The following GNG2 variants were observed in gnomAD, a reference collection of about 807,000 sequenced individuals.
GNG2 encodes G protein subunit gamma 2.
GNG2 carries 5 observed loss-of-function variants against 5.5 expected under a neutral mutation model. The observed-to-expected ratio is 0.91, with a 90% CI of 0.48 to 1.92. The LOEUF (loss-of-function observed/expected upper bound fraction) is 1.92, where lower values mean the gene tolerates loss of function less well. Among genes scored for constraint, GNG2 ranks in the 30% most tolerant of loss-of-function variants. The pLI, the probability that GNG2 is intolerant of heterozygous loss-of-function variation, is 0.01. For synonymous variants in GNG2, 28 were observed against 32.0 expected, an observed-to-expected ratio of 0.88 and a Z score of 0.42; for missense variants, 55 against 88.4, an observed-to-expected ratio of 0.62 and a Z score of 1.52.
intron 2 of GNG2, among the ~76,000 whole-genome samples, chr14:51,852,629 A>G: frequency 6.6e-6 from 1 of 152,248 alleles, no homozygotes; most frequent in Non-Finnish European, 1.5e-5. Flanking sequence ...TTAATTATAG[A>G]TTATTTTTGC....
intron 2 of GNG2, among the ~76,000 whole-genome samples, chr14:51,899,103 C>A (rs570045085): frequency 6.6e-6 from 1 of 152,290 alleles, no homozygotes; most frequent in East Asian, 1.9e-4. Context: ...GATTCTCTCC[C>A]TTTTAACACC....
chr14:51,923,350 G>A (rs1304006801), intron 2 of GNG2, among the ~76,000 whole-genome samples: 1 of 152,182 alleles, frequency 6.6e-6, no homozygotes, highest in Non-Finnish European at 1.5e-5. Flanking sequence ...GATTTGAACT[G>A]TAGAGGTTAA....
chr14:51,904,932 A>G (rs1885814025), intron 2 of GNG2, among the ~76,000 whole-genome samples: 1 of 152,258 alleles, frequency 6.6e-6, no homozygotes, highest in Non-Finnish European at 1.5e-5. Context: ...CACACAGGAC[A>G]TTACGGTTTG....
intron 2 of GNG2, among the ~76,000 whole-genome samples, chr14:51,907,723 T>C (rs180863217): frequency 1.3e-5 from 2 of 152,342 alleles, no homozygotes; most frequent in Admixed American, 6.5e-5. Flanking sequence ...ATAACCAAAT[T>C]TGATTTCTGG....
At chr14:51,952,047 GA>G in intron 3 of GNG2, 1 of 612,562 alleles carries the variant, frequency 1.6e-6, no homozygotes. Flanking sequence ...TTTTTAAAAA[GA>G]ATTTTTCAGT....
chr14:51,864,709 AGT>A (rs1172874280), intron 1 of GNG2, among the ~76,000 whole-genome samples: 1 of 152,166 alleles, frequency 6.6e-6, no homozygotes, highest in Non-Finnish European at 1.5e-5. Context: ...CTGTTTCTTC[AGT>A]GCTTTTCTGG....
At chr14:51,859,334 G>A (rs1468026383), upstream of GNG2, among the ~76,000 whole-genome samples, 3 of 152,282 alleles carry the variant, frequency 2.0e-5, no homozygotes, top group Non-Finnish European at 4.4e-5. Context: ...AGTACTAGGG[G>A]GAGAATGACT....
At chr14:51,841,176 G>A (rs904791523) in intron 2 of GNG2, among the ~76,000 whole-genome samples, 1 of 152,212 alleles carries the variant, frequency 6.6e-6, no homozygotes, top group African/African-American at 2.4e-5. Context: ...GAAAATGCAA[G>A]AGAATAGGAG....
chr14:51,933,290 A>T (rs574383766), intron 2 of GNG2, among the ~76,000 whole-genome samples: 1 of 152,316 alleles, frequency 6.6e-6, no homozygotes, highest in East Asian at 1.9e-4. Context: ...GGCCAACTGG[A>T]AGTTGGATTT....
chr14:51,916,507 C>T (rs1034601857), intron 2 of GNG2: 3 of 395,054 alleles, frequency 7.6e-6, no homozygotes, highest in Non-Finnish European at 1.5e-5. Context: ...CGAAAATAAT[C>T]CTGAAAAAAA....
chr14:51,906,020 C>A (rs1186081489), intron 2 of GNG2, among the ~76,000 whole-genome samples: 1 of 152,216 alleles, frequency 6.6e-6, no homozygotes, highest in Non-Finnish European at 1.5e-5. Context: ...CAGACTAATA[C>A]ACAGGGTACC....
At chr14:51,858,453 T>A (rs112602456), upstream of GNG2, among the ~76,000 whole-genome samples, 2,621 of 152,286 alleles carry the variant, frequency 0.017, 34 homozygotes, top group South Asian at 0.031. Flanking sequence ...GATTTTATTG[T>A]TTGAAAGAGG....
At chr14:51,936,806 G>C (rs796788978) in intron 2 of GNG2, among the ~76,000 whole-genome samples, 1 of 152,084 alleles carries the variant, frequency 6.6e-6, no homozygotes, top group South Asian at 2.1e-4. Flanking sequence ...GCCTCCCAAA[G>C]TGCTGGGATT....
intron 3 of GNG2, among the ~76,000 whole-genome samples, chr14:51,957,921 T>C (rs1889365007): frequency 6.6e-6 from 1 of 152,236 alleles, no homozygotes; most frequent in Non-Finnish European, 1.5e-5. Flanking sequence ...GGAGTATTCA[T>C]TTCATTGTAT....
intron 2 of GNG2, among the ~76,000 whole-genome samples, chr14:51,913,510 T>C (rs991166722): frequency 6.6e-6 from 1 of 152,140 alleles, no homozygotes; most frequent in Non-Finnish European, 1.5e-5. Context: ...TGAGACCCTG[T>C]CTCTAAAAAT....
At chr14:51,852,831 C>T (rs1439671834) in intron 2 of GNG2, among the ~76,000 whole-genome samples, 2 of 152,238 alleles carry the variant, frequency 1.3e-5, no homozygotes, top group African/African-American at 4.8e-5. Flanking sequence ...TCAGAGTTCA[C>T]AGATTTGCCA....
intron 1 of GNG2, among the ~76,000 whole-genome samples, chr14:51,873,040 T>C (rs1316949155): frequency 6.6e-6 from 1 of 152,242 alleles, no homozygotes; most frequent in Admixed American, 6.5e-5. Context: ...AACAGATTAA[T>C]TATCTCCAGT....
At position 51,924,751 on chromosome 14, in the gene GNG2, C is replaced by G. The variant is rs533156494; in HGVS notation, c.-29-25899C>G. Among the ~76,000 whole-genome samples the G allele has an allele frequency of 6.6e-5, 10 of 152,314 alleles. No homozygotes were observed. The South Asian group carries it at 2.1e-3, about 32-fold the overall frequency. On this transcript the variant is annotated intron_variant, in intron 2 of 3. Coordinates refer to ENST00000556766, the MANE Select transcript of GNG2 (RefSeq NM_053064.5). Reference sequence around the variant, plus strand: ...AGCATGGTATTTTCCAAAGCCAGGACCTACTGAAAGTGTAAATAATTGGAG... The same window carrying G: ...AGCATGGTATTTTCCAAAGCCAGGAGCTACTGAAAGTGTAAATAATTGGAG...
chr14:51,826,905 G>A (rs905526461), intron 1 of GNG2, among the ~76,000 whole-genome samples: 3 of 152,206 alleles, frequency 2.0e-5, no homozygotes, highest in African/African-American at 7.2e-5. Flanking sequence ...ATGGCTATGA[G>A]GTTTTCTCCA....
Sources: allele counts gnomAD v4.1 joint callset (sites outside exome capture counted in the v4.1 genomes callset), GRCh38; gene constraint gnomAD v4.1.1; transcripts MANE v1.5; gene names NCBI Gene and HGNC (gene_info 2026-07-23, HGNC 2026-07-21).